The following SARM1 variants were observed in gnomAD, a reference collection of about 807,000 sequenced individuals.
SARM1 encodes NAD(+) hydrolase SARM1.
SARM1 carries 60 observed loss-of-function variants against 65.1 expected under a neutral mutation model. The ratio of observed to expected loss-of-function variants is 0.92; its 90% CI spans 0.75 to 1.14. The LOEUF (loss-of-function observed/expected upper bound fraction) is 1.14, where lower values mean the gene tolerates loss of function less well. Among genes scored for constraint, SARM1 ranks in the 50% most tolerant of loss-of-function variants. The probability of loss-of-function intolerance (pLI) is 0.00; values close to 1 mark genes in which losing one functional copy is unlikely to be tolerated. For synonymous variants in SARM1, 417 were observed against 465.4 expected (o/e 0.90, Z 1.34); for missense variants, 913 against 1,015.7 (o/e 0.90, Z 1.37).
intron 7 of SARM1, among the ~76,000 whole-genome samples, chr17:28,392,609 A>G (rs1374041631): frequency 6.6e-6 from 1 of 152,168 alleles, no homozygotes; most frequent in East Asian, 1.9e-4. Flanking sequence ...TGGACTCTCG[A>G]GGCTTGAGTC....
chr17:28,390,240 A>G (rs1174519099), intron 7 of SARM1, among the ~76,000 whole-genome samples: 3 of 152,216 alleles, frequency 2.0e-5, no homozygotes, highest in African/African-American at 7.2e-5. Context: ...CCTGGGATCA[A>G]TAGAAAGGGA....
intron 7 of SARM1, among the ~76,000 whole-genome samples, chr17:28,388,851 A>G (rs149981552): frequency 0.011 from 1,621 of 150,732 alleles, 14 homozygotes; most frequent in Middle Eastern, 0.017. Context: ...GCTCACTGCA[A>G]GCTCCACCTC....
chr17:28,374,104 T>TA (rs11444944), intron 1 of SARM1: 84,938 of 139,798 alleles, frequency 0.61, 25,762 homozygotes, highest in East Asian at 0.96. Flanking sequence ...CTGTCTCTAC[T>TA]AAAAAAAAAA....
At chr17:28,377,130 T>A (rs1555584718) in intron 1 of SARM1, among the ~76,000 whole-genome samples, 2 of 152,212 alleles carry the variant, frequency 1.3e-5, no homozygotes, top group Non-Finnish European at 2.9e-5. Context: ...TCTTACATTC[T>A]AGGCATTTAT....
Position 28,399,499 on chromosome 17 carries a change from T to C in SARM1, c.*3213T>C, listed in dbSNP as rs1555588996. ...GAGGCTGGGTCAGCTGTGGATGGGGTGGTGCCTTGGTCTCTCTTGACTACC... is the reference window on the plus strand; with the variant it reads ...GAGGCTGGGTCAGCTGTGGATGGGGCGGTGCCTTGGTCTCTCTTGACTACC... On this transcript the variant is annotated 3_prime_UTR_variant, in exon 9 of 9. Transcript: ENST00000585482. 4 of 683,330 alleles carry C rather than the reference T, an allele frequency of 5.9e-6. No homozygotes were observed. Among genetic ancestry groups the C allele is most frequent in the African/African-American group, 3.6e-5 (2 of 56,096 alleles). The allele number at this position is 683,330 out of a possible 1,614,324, so 42.3% of individuals were successfully genotyped here.
At chr17:28,374,970 C>CAAA (rs35032822) in intron 1 of SARM1, among the ~76,000 whole-genome samples, 48 of 70,436 alleles carry the variant, frequency 6.8e-4, no homozygotes, top group Non-Finnish European at 1.1e-3. Flanking sequence ...CAGACCTTGT[C>CAAA]AAAAAAAAAA....
rs117448666 is a variant in SARM1, at chr17:28,375,642, A to G, written c.470+3140A>G. ...ACGAAAGCCATTGCACATAAATTCA[A>G]AAAAGTGGAAAAGCACACAAAAGGT... is the stretch of plus-strand genomic sequence containing the variant. On this transcript the variant is annotated intron_variant, in intron 1 of 8. Transcript: ENST00000585482. Among the ~76,000 whole-genome samples, 111 of 152,140 alleles carry G rather than the reference A, an allele frequency of 7.3e-4. No homozygotes were observed. In the East Asian group the frequency reaches 0.016, roughly 22 times the overall value.
rs782058846 is a variant in SARM1, at chr17:28,396,269, C to T, written c.2158C>T (p.Pro720Ser). 6.2e-7 allele frequency: 1 copy of T among 1,614,004 alleles called. No homozygotes were observed. Among genetic ancestry groups the T allele is most frequent in the South Asian group, 1.1e-5 (1 of 91,084 alleles). Residue 720 changes from proline (P) to serine (S), a missense_variant, in exon 9 of 9, where the codon CCC (proline) becomes TCC (serine). Physicochemically the swap from Pro to Ser is moderately conservative, Grantham distance 74 (BLOSUM62 -1). This residue lies in a region of SARM1 where 862 missense variants were observed against 952.1 expected (regional missense o/e 0.91). Coordinates refer to ENST00000585482, the MANE Select transcript of SARM1 (RefSeq NM_015077.4). ...TGACACCAGTTTGGAGGGTGCTGCA[C>T]CCATGGGTCCAACCTAACCAGTCCC... ...GSDTSLEGAAPMGPT is the reference protein window; with the variant it reads ...GSDTSLEGAASMGPT
In SARM1 at chr17:28,381,663, T is replaced by C; in HGVS notation, c.931T>C (p.Cys311Arg). The change falls in exon 2 of 9, where the codon TGT becomes CGT. Residue 311 changes from cysteine (C) to arginine (R), a missense_variant. Transcript: ENST00000585482. ...ASLDPGRFARCLVDASDTSQG... is the reference protein window; with the variant it reads ...ASLDPGRFARRLVDASDTSQG... ...GCTGGACCCTGGCCGCTTCGCCCGCTGTCTGGTGGACGCCAGCGACACAAG... is the reference window on the plus strand; with the variant it reads ...GCTGGACCCTGGCCGCTTCGCCCGCCGTCTGGTGGACGCCAGCGACACAAG... The C allele has an allele frequency of 6.4e-7, 1 of 1,557,168 alleles. No individual in the cohort carries two copies. Among genetic ancestry groups the C allele is most frequent in the Middle Eastern group, 1.7e-4 (1 of 5,798 alleles).
rs1555584235 is a variant in SARM1, at chr17:28,372,532, C to G, written c.470+30C>G. Reference sequence around the variant, plus strand: ...GCGCGCCAGGCCGGGGTTGGGAGAGCGCCGCGTGGTGTGGACAGTTAAGCG... The same window carrying G: ...GCGCGCCAGGCCGGGGTTGGGAGAGGGCCGCGTGGTGTGGACAGTTAAGCG... On this transcript the variant is annotated intron_variant, in intron 1 of 8. Transcript: ENST00000585482. This position sits in a 1 kb window ranked among gnomAD's most constrained non-coding sequence, Gnocchi z 5.2. 2 of 1,489,686 alleles carry G rather than the reference C, an allele frequency of 1.3e-6. No homozygotes were observed. The highest frequency in any genetic ancestry group is 5.4e-5 in the East Asian group (2 of 36,782). 92.3% of individuals were successfully genotyped at this position (1,489,686 alleles called of 1,614,324 possible). A position where few individuals can be genotyped will look rare whatever the true frequency, so the allele number is the denominator to read the frequency against.
At chr17:28,378,244 G>T (rs2068004232) in intron 1 of SARM1, among the ~76,000 whole-genome samples, 1 of 152,158 alleles carries the variant, frequency 6.6e-6, no homozygotes, top group Non-Finnish European at 1.5e-5. Context: ...TGCCTCAAAA[G>T]GTCCCCAGGT....
rs1225970496 is a variant in SARM1 at position 28,388,462 on chromosome 17, A to G, written c.1846A>G (p.Asn616Asp). 6.2e-7 allele frequency: 1 copy of G among 1,613,982 alleles called. No homozygotes were observed. Among genetic ancestry groups the G allele is most frequent in the Non-Finnish European group, 8.5e-7 (1 of 1,179,884 alleles). Residue 616 changes from asparagine to aspartate, a missense_variant, in exon 7 of 9, where the codon AAC becomes GAC. By Grantham distance (23) the Asn-to-Asp change is conservative. Coordinates refer to ENST00000585482, the MANE Select transcript of SARM1 (RefSeq NM_015077.4). The stretch of plus-strand genomic sequence containing the variant: ...CATCCAGAGTGTCATGGGTGCCCGC[A>G]ACTTTGTGTTGGTGCTATCACCTGG... The part of the protein sequence containing the change: ...KLIQSVMGAR[N>D]FVLVLSPGAL...
chr17:28,390,216 A>G (rs560274467), intron 7 of SARM1, among the ~76,000 whole-genome samples: 2 of 152,302 alleles, frequency 1.3e-5, no homozygotes, highest in East Asian at 1.9e-4. Flanking sequence ...TAATTAATTG[A>G]GTTTATCTGA....
At chr17:28,374,993 AAAC>A (rs1212353859) in intron 1 of SARM1, among the ~76,000 whole-genome samples, 3 of 146,044 alleles carry the variant, frequency 2.1e-5, no homozygotes, top group Admixed American at 6.8e-5. Context: ...AAAAAAAAAA[AAAC>A]AATTCCATCA....
At chr17:28,377,946 C>T (rs1344997701) in intron 1 of SARM1, among the ~76,000 whole-genome samples, 2 of 152,194 alleles carry the variant, frequency 1.3e-5, no homozygotes, top group African/African-American at 4.8e-5. Flanking sequence ...GATCCTCCTG[C>T]CTCAGCCTCC....
Position 28,381,541 on chromosome 17 carries a change from C to A in SARM1, c.809C>A (p.Ala270Asp), listed in dbSNP as rs1555585262. 6.3e-7 allele frequency: 1 copy of A among 1,582,184 alleles called. No individual in the cohort carries two copies. Among genetic ancestry groups the A allele is most frequent in the South Asian group, 1.2e-5 (1 of 86,442 alleles). ...SKEDELLRLHACLAVAVLATN... is the reference protein window; with the variant it reads ...SKEDELLRLHDCLAVAVLATN... ...GAGGACGAGCTGCTTCGGCTGCACG[C>A]CTGCCTCGCAGTAGCGGTGTTGGCG... The change falls in exon 2 of 9, where the codon GCC (alanine) becomes GAC (aspartate). Residue 270 changes from alanine to aspartate, a missense_variant. Physicochemically the swap from Ala to Asp is moderately radical, Grantham distance 126 (BLOSUM62 -2). Coordinates refer to ENST00000585482, the MANE Select transcript of SARM1 (RefSeq NM_015077.4).
Position 28,402,546 on chromosome 17 carries a change from T to G in SARM1, c.*6260T>G. 4.4e-6 allele frequency: 2 copies of G among 451,184 alleles called. No individual in the cohort carries two copies. The highest frequency in any genetic ancestry group is 5.9e-5 in the South Asian group (2 of 33,900). 27.9% of individuals were successfully genotyped at this position (451,184 alleles called of 1,614,324 possible). A position where few individuals can be genotyped will look rare whatever the true frequency, so the allele number is the denominator to read the frequency against. On this transcript the variant is annotated 3_prime_UTR_variant, in exon 9 of 9. Transcript: ENST00000585482. Reference sequence around the variant, plus strand: ...CTCATGAATGAATGCTAATTCCCATTGATTGCTTTCTTGTCTGAACCTCTT... The same window carrying G: ...CTCATGAATGAATGCTAATTCCCATGGATTGCTTTCTTGTCTGAACCTCTT...
Position 28,384,489 on chromosome 17 carries a change from T to C in SARM1, c.1222T>C (p.Ser408Pro), listed in dbSNP as rs113535815. The change falls in exon 3 of 9, where the codon TCC (serine) becomes CCC (proline). Residue 408 changes from serine (S) to proline (P), a missense_variant. Coordinates refer to ENST00000585482, the MANE Select transcript of SARM1 (RefSeq NM_015077.4). The surrounding 1 kb of genome is among the most constrained non-coding windows in gnomAD (Gnocchi z 4.4). ...GGAGGTGCCACGGCCCATCCTGCCC[T>C]CCGTGCCCAGCTGGAAGGAGGCCGA... ...GEEVPRPILP[S>P]VPSWKEAEVQ... is the part of the protein sequence containing the mutation. 62 of 1,613,638 alleles carry C rather than the reference T, an allele frequency of 3.8e-5. No individual in the cohort carries two copies. In the Middle Eastern group the frequency reaches 1.8e-3, roughly 47 times the overall value.
chr17:28,381,456 C>T lies in SARM1; in HGVS notation c.724C>T (p.Gln242Ter). 6.5e-7 allele frequency: 1 copy of T among 1,549,720 alleles called. No individual in the cohort carries two copies. Among genetic ancestry groups the T allele is most frequent in the Non-Finnish European group, 8.7e-7 (1 of 1,146,894 alleles). Residue 242 changes from glutamine (Q) to a stop codon, truncating the protein, a stop_gained, in exon 2 of 9, where the codon CAG becomes TAG. Coordinates refer to ENST00000585482, the MANE Select transcript of SARM1 (RefSeq NM_015077.4). LOFTEE classifies it high-confidence loss of function. ...CGCGCTGCACGGGGGCCAGGCGGTG[C>T]AGCGACGCATGGTAGAGAAGCGCGC... ...NCALHGGQAVQRRMVEKRAAE... is the reference protein window; with the variant it reads ...NCALHGGQAV
Sources: gnomAD v4.1 joint callset for allele counts (sites outside exome capture counted in the v4.1 genomes callset) on GRCh38, gnomAD v4.1.1 for gene constraint, gnomAD v4.1.1 regional missense constraint, Gnocchi (gnomAD v3.1) non-coding constraint, MANE v1.5 for transcripts, NCBI Gene and HGNC (gene_info 2026-07-23, HGNC 2026-07-21) for gene names.